Variants in GLG1 observed in about 807,000 individuals in gnomAD.
GLG1 encodes golgi glycoprotein 1, also known as Golgi apparatus protein 1.
GLG1 carries 38 observed loss-of-function variants against 160.5 expected under a neutral mutation model. The observed-to-expected ratio is 0.24, with a 90% CI of 0.18 to 0.31. The LOEUF is 0.31. Ranked by LOEUF, GLG1 falls within the 10% of genes least tolerant of loss-of-function variation. The pLI is 1.00. For missense variants in GLG1, 1,373 were observed against 1,505.2 expected (o/e 0.91, Z 1.45); for synonymous variants, 644 against 543.4 (o/e 1.19, Z -2.57).
At position 74,491,003 on chromosome 16, in the gene GLG1, C is replaced by T; in HGVS notation, c.1447G>A (p.Ala483Thr). 1.9e-6 allele frequency: 3 copies of T among 1,610,432 alleles called. No homozygotes were observed. The highest frequency in any genetic ancestry group is 1.7e-6 in the Non-Finnish European group (2 of 1,176,672). ...KGNLGMNCQQ[A>T]LQTLIQETDP... is the part of the protein sequence containing the mutation. ...TGGCAATAGCAATGTCTCCTTACCG[C>T]CTGCTGGCAGTTCATTCCAAGGTTC... The change falls in exon 8 of 26, where the codon GCG becomes ACG. Residue 483 changes from alanine to threonine, a missense_variant and splice_region_variant. This residue lies in a region of GLG1 where 386 missense variants were observed against 388.5 expected (regional missense o/e 0.99). Coordinates refer to ENST00000422840, the MANE Select transcript of GLG1 (RefSeq NM_001145667.2).
chr16:74,515,427 A>G (rs2016947773), intron 2 of GLG1, among the ~76,000 whole-genome samples: 1 of 152,228 alleles, frequency 6.6e-6, no homozygotes, highest in Admixed American at 6.5e-5. Context: ...GTAAAAGAGG[A>G]GAAATCACAA....
intron 1 of GLG1, among the ~76,000 whole-genome samples, chr16:74,541,770 A>C (rs578043235): frequency 7.2e-5 from 11 of 152,300 alleles, no homozygotes; most frequent in African/African-American, 2.4e-4. Flanking sequence ...AATACATGAC[A>C]CACATGTTTT....
Position 74,451,835 on chromosome 16 carries a change from G to T in GLG1, c.*1332C>A. 2.0e-6 allele frequency: 1 copy of T among 504,084 alleles called. No individual in the cohort carries two copies. 31.2% of individuals were successfully genotyped at this position (504,084 alleles called of 1,614,324 possible). ...TGGAGGAATGAGGCGGGATGGCCAA[G>T]AATATTGCTTCTATAAAGCCCATAT... On this transcript the variant is annotated 3_prime_UTR_variant, in exon 26 of 26. Coordinates refer to ENST00000422840, the MANE Select transcript of GLG1 (RefSeq NM_001145667.2).
rs1679335663 is a variant in GLG1, at chr16:74,605,350, G to T, written c.438+1307C>A. 1.3e-5 allele frequency among the ~76,000 whole-genome samples: 2 copies of T among 152,106 alleles called. 1 individual carries two copies. The highest frequency in any genetic ancestry group is 1.3e-4 in the Admixed American group (2 of 15,264). On this transcript the variant is annotated intron_variant, in intron 1 of 25. Coordinates refer to ENST00000422840, the MANE Select transcript of GLG1 (RefSeq NM_001145667.2). ...TTTTTGCCACTTTCCCTAATAATGT[G>T]CTGTTTCTACCACAAACTACTACTA...
intron 1 of GLG1, among the ~76,000 whole-genome samples, chr16:74,578,750 G>A (rs1957868871): frequency 6.6e-6 from 1 of 152,158 alleles, no homozygotes; most frequent in Admixed American, 6.6e-5. Context: ...GCTATCTGAT[G>A]TAGATATATT....
At chr16:74,519,030 G>A (rs532585770) in intron 2 of GLG1, among the ~76,000 whole-genome samples, 2 of 152,220 alleles carry the variant, frequency 1.3e-5, no homozygotes, top group East Asian at 1.9e-4. Flanking sequence ...AAAGACACAT[G>A]CACATGTATA....
intron 1 of GLG1, among the ~76,000 whole-genome samples, chr16:74,579,460 G>T (rs1166024191): frequency 6.6e-6 from 1 of 151,974 alleles, no homozygotes. Flanking sequence ...AGTGGCTCAC[G>T]TCTGTAATCC....
At chr16:74,495,827 G>A (rs1043454889) in intron 5 of GLG1, among the ~76,000 whole-genome samples, 1 of 152,170 alleles carries the variant, frequency 6.6e-6, no homozygotes, top group Non-Finnish European at 1.5e-5. Context: ...ATCATTAGAA[G>A]CCAGCTGTTA....
chr16:74,498,081 A>G (rs1242818215), intron 4 of GLG1, among the ~76,000 whole-genome samples: 2 of 152,022 alleles, frequency 1.3e-5, no homozygotes, highest in Non-Finnish European at 2.9e-5. Context: ...TACTTACAAG[A>G]TATGTTTCAA....
intron 1 of GLG1, among the ~76,000 whole-genome samples, chr16:74,577,231 G>C (rs2019029491): frequency 1.3e-5 from 2 of 149,996 alleles, no homozygotes; most frequent in African/African-American, 4.9e-5. Context: ...TTAAAAAATA[G>C]ACATTGAGGA....
chr16:74,563,696 C>T (rs2018570552), intron 1 of GLG1, among the ~76,000 whole-genome samples: 1 of 147,726 alleles, frequency 6.8e-6, no homozygotes, highest in African/African-American at 2.5e-5. Context: ...CACTATTCTC[C>T]AGCCTGCGCA....
chr16:74,550,445 C>G (rs2018167298), intron 1 of GLG1, among the ~76,000 whole-genome samples: 1 of 151,932 alleles, frequency 6.6e-6, no homozygotes, highest in African/African-American at 2.4e-5. Flanking sequence ...ATGTGTCCGC[C>G]GTGTGTGGGT....
chr16:74,525,763 T>C (rs1297617045), intron 2 of GLG1, among the ~76,000 whole-genome samples: 3 of 148,594 alleles, frequency 2.0e-5, no homozygotes, highest in Non-Finnish European at 4.4e-5. Context: ...AGACCCTTTA[T>C]CAGATATATG....
rs562006997 is a variant in GLG1, at chr16:74,571,378, A to C, written c.438+35279T>G. Among the ~76,000 whole-genome samples the C allele has an allele frequency of 4.6e-5, 7 of 152,244 alleles. No individual in the cohort carries two copies. The South Asian group carries it at 1.5e-3, about 32-fold the overall frequency. ...GGCAAATATGTAGTTGTTGTTCTTG[A>C]GTCATTAAGTTTGGGACCGGGTACA... is the stretch of plus-strand genomic sequence containing the variant. On this transcript the variant is annotated intron_variant, in intron 1 of 25. Coordinates refer to ENST00000422840, the MANE Select transcript of GLG1 (RefSeq NM_001145667.2).
At chr16:74,457,524 C>G (rs78356947) in intron 24 of GLG1, among the ~76,000 whole-genome samples, 3 of 152,182 alleles carry the variant, frequency 2.0e-5, no homozygotes, top group Non-Finnish European at 4.4e-5. Context: ...AGTCCACTGT[C>G]GTCACCGGGG....
chr16:74,471,911 C>CTTTTGCT (rs2015221287), intron 14 of GLG1, among the ~76,000 whole-genome samples: 1 of 151,724 alleles, frequency 6.6e-6, no homozygotes, highest in African/African-American at 2.4e-5. Flanking sequence ...ATCTTGTTTA[C>CTTTTGCT]TTTTTCTTTT....
chr16:74,486,922 T>G (rs995692071), intron 8 of GLG1, among the ~76,000 whole-genome samples: 6 of 137,312 alleles, frequency 4.4e-5, no homozygotes, highest in Admixed American at 4.3e-4. Context: ...ATCTTTTTTT[T>G]TTCCCCCCCG....
chr16:74,574,748 G>T (rs990853244), intron 1 of GLG1, among the ~76,000 whole-genome samples: 5 of 151,208 alleles, frequency 3.3e-5, no homozygotes, highest in African/African-American at 1.2e-4. Context: ...GCTGAGCATG[G>T]TGGTGCACAC....
intron 16 of GLG1, chr16:74,469,745 T>G (rs2015129639): frequency 1.9e-6 from 1 of 521,940 alleles, no homozygotes; most frequent in Non-Finnish European, 3.5e-6. Flanking sequence ...TTAGATGGCC[T>G]GACCTGGAAA....
Sources: allele counts gnomAD v4.1 joint callset (sites outside exome capture counted in the v4.1 genomes callset), GRCh38; gene constraint gnomAD v4.1.1; regional missense constraint gnomAD v4.1.1; transcripts MANE v1.5; gene names NCBI Gene and HGNC (gene_info 2026-07-23, HGNC 2026-07-21).